MAP2: variants seen among roughly 807,000 people sequenced by gnomAD.
The protein encoded by MAP2 is microtubule associated protein 2.
A neutral mutation model predicts 137.6 loss-of-function variants in MAP2; 14 were observed. The ratio of observed to expected loss-of-function variants is 0.10; its 90% CI spans 0.07 to 0.16. MAP2 has a LOEUF of 0.16. MAP2 is among the 10% of genes least tolerant of loss of function. The pLI is 1.00. For missense variants in MAP2, 2,088 were observed against 2,191.5 expected, an observed-to-expected ratio of 0.95 and a Z score of 0.94; for synonymous variants, 786 against 782.3, an observed-to-expected ratio of 1.00 and a Z score of -0.08.
chr2:209,455,281 T>C (rs533007063), intron 1 of MAP2, among the ~76,000 whole-genome samples: 3 of 152,346 alleles, frequency 2.0e-5, no homozygotes, highest in South Asian at 2.1e-4. Flanking sequence ...GAAGAGATGA[T>C]AGATAATCTG....
At chr2:209,660,559 ATT>A (rs535880574) in intron 5 of MAP2, among the ~76,000 whole-genome samples, 3 of 143,224 alleles carry the variant, frequency 2.1e-5, no homozygotes, top group Admixed American at 7.0e-5. Context: ...AGCCCGGCTA[ATT>A]TTTTTTGTAT....
intron 4 of MAP2, among the ~76,000 whole-genome samples, chr2:209,626,570 A>T (rs2092353154): frequency 6.6e-6 from 1 of 152,226 alleles, no homozygotes; most frequent in Admixed American, 6.5e-5. Flanking sequence ...ATTCTTCCAG[A>T]GATGTCAAAA....
chr2:209,425,147 G>T (rs1295586268), intron 1 of MAP2, among the ~76,000 whole-genome samples: 1 of 152,040 alleles, frequency 6.6e-6, no homozygotes, highest in African/African-American at 2.4e-5. Flanking sequence ...AAAAATCCTT[G>T]AAAACTGGAA....
intron 3 of MAP2, among the ~76,000 whole-genome samples, 190 bp from the exon 4 acceptor site, chr2:209,624,863 T>G (rs1357383148): frequency 6.6e-6 from 1 of 152,166 alleles, no homozygotes; most frequent in Non-Finnish European, 1.5e-5. Flanking sequence ...CTATTCTATC[T>G]GTGATAGTTC....
chr2:209,537,401 A>G (rs1163840468), intron 2 of MAP2, among the ~76,000 whole-genome samples: 1 of 152,224 alleles, frequency 6.6e-6, no homozygotes, highest in Non-Finnish European at 1.5e-5. Context: ...AACTAGCATA[A>G]TTAAGAAAAA....
At chr2:209,476,445 A>G (rs750909103) in intron 1 of MAP2, among the ~76,000 whole-genome samples, 3 of 146,568 alleles carry the variant, frequency 2.0e-5, no homozygotes, top group Non-Finnish European at 4.5e-5. Context: ...TTCAGGCTGT[A>G]ATTTAGGAAA....
At chr2:209,498,569 C>T (rs1329113699) in intron 1 of MAP2, among the ~76,000 whole-genome samples, 1 of 152,246 alleles carries the variant, frequency 6.6e-6, no homozygotes, top group African/African-American at 2.4e-5. Context: ...CTGCAGCAGG[C>T]TTCTGCCTGG....
intron 2 of MAP2, among the ~76,000 whole-genome samples, chr2:209,515,627 G>A (rs1240975615): frequency 6.6e-6 from 1 of 152,048 alleles, no homozygotes; most frequent in Non-Finnish European, 1.5e-5. Flanking sequence ...CCTCCCACCT[G>A]GTCCCTCCCC....
At chr2:209,541,494 G>A (rs1272429077) in intron 2 of MAP2, among the ~76,000 whole-genome samples, 1 of 151,166 alleles carries the variant, frequency 6.6e-6, no homozygotes, top group East Asian at 1.9e-4. Flanking sequence ...CATTGGTTGT[G>A]TCTTCCCTTC....
chr2:209,595,792 C>A (rs2081117322), intron 3 of MAP2, among the ~76,000 whole-genome samples: 1 of 152,172 alleles, frequency 6.6e-6, no homozygotes, highest in African/African-American at 2.4e-5. Context: ...AGGATGAGTT[C>A]ATGTCCTTTG....
chr2:209,446,101 T>C (rs1698997957), intron 1 of MAP2, among the ~76,000 whole-genome samples: 1 of 151,776 alleles, frequency 6.6e-6, no homozygotes, highest in African/African-American at 2.4e-5. Flanking sequence ...AAGCTTGATG[T>C]GTTTTCAGAA....
At chr2:209,435,760 G>GGTTACAGACATTTTCACA (rs1478269661) in intron 1 of MAP2, among the ~76,000 whole-genome samples, 51 of 150,824 alleles carry the variant, frequency 3.4e-4, no homozygotes, top group Admixed American at 1.8e-3. Context: ...TGGAAATTTT[G>GGTTACAGACATTTTCACA]GTTACAGACA....
At chr2:209,482,282 A>G (rs181646408) in intron 1 of MAP2, among the ~76,000 whole-genome samples, 26 of 152,334 alleles carry the variant, frequency 1.7e-4, no homozygotes, top group East Asian at 1.2e-3. Flanking sequence ...CAATATAGAC[A>G]TGAAAAAATG....
Position 209,730,326 on chromosome 2 carries a change from C to T in MAP2, c.5413C>T (p.Leu1805=). Residue 1805 remains leucine, a synonymous_variant, in exon 16 of 16, where the codon CTG becomes TTG. Coordinates refer to ENST00000682079, the MANE Select transcript of MAP2 (RefSeq NM_001375505.1). ...TGTCTCCTCGTCTGGAAGCATCAAC[C>T]TGCTCGAATCTCCTCAGCTTGCCAC... ...SNVSSSGSIN[L]LESPQLATLA... 1.9e-6 allele frequency: 3 copies of T among 1,614,126 alleles called. No individual in the cohort carries two copies. The highest frequency in any genetic ancestry group is 2.5e-6 in the Non-Finnish European group (3 of 1,180,016).
chr2:209,589,468 C>T (rs1187470772), intron 3 of MAP2, among the ~76,000 whole-genome samples: 1 of 152,136 alleles, frequency 6.6e-6, no homozygotes, highest in African/African-American at 2.4e-5. Flanking sequence ...TTTAATAATG[C>T]ACTGACTTGA....
At chr2:209,702,650 A>C (rs1040072704) in intron 11 of MAP2, among the ~76,000 whole-genome samples, 7 of 152,044 alleles carry the variant, frequency 4.6e-5, no homozygotes, top group Admixed American at 3.3e-4. Flanking sequence ...GTTTAGCATT[A>C]ATAGTTGTCT....
chr2:209,602,597 C>G (rs2083320536), intron 3 of MAP2, among the ~76,000 whole-genome samples: 1 of 152,138 alleles, frequency 6.6e-6, no homozygotes, highest in Non-Finnish European at 1.5e-5. Flanking sequence ...TCATTAATAT[C>G]CACTACCAAT....
At chr2:209,473,156 G>C (rs560975415) in intron 1 of MAP2, among the ~76,000 whole-genome samples, 1 of 151,978 alleles carries the variant, frequency 6.6e-6, no homozygotes, top group Non-Finnish European at 1.5e-5. Context: ...CTGTATTTTG[G>C]TCTGGTCTGT....
intron 13 of MAP2, among the ~76,000 whole-genome samples, chr2:209,714,945 A>G (rs1425997108): frequency 3.9e-5 from 6 of 152,198 alleles, no homozygotes; most frequent in African/African-American, 1.4e-4. Context: ...ATGAAAATAA[A>G]TGGTAATTTT....
Sources: allele counts gnomAD v4.1 joint callset (sites outside exome capture counted in the v4.1 genomes callset), GRCh38; gene constraint gnomAD v4.1.1; transcripts MANE v1.5; gene names NCBI Gene and HGNC (gene_info 2026-07-23, HGNC 2026-07-21).